The following ASTN2 variants were observed in gnomAD, a reference collection of about 807,000 sequenced individuals.
ASTN2 encodes the protein astrotactin-2.
In ASTN2, 54 loss-of-function variants were observed where a neutral mutation model predicts 139.8. That is an observed-to-expected ratio of 0.39 (90% confidence interval 0.31 to 0.48). ASTN2 has a LOEUF of 0.48. ASTN2 is among the 20% of genes least tolerant of loss of function. The pLI, the probability that ASTN2 is intolerant of heterozygous loss-of-function variation, is 0.95. For missense variants in ASTN2, 1,565 were observed against 1,725.1 expected, an observed-to-expected ratio of 0.91 and a Z score of 1.64; for synonymous variants, 756 against 719.5, an observed-to-expected ratio of 1.05 and a Z score of -0.81.
At chr9:117,280,492 C>T (rs1375352566) in intron 2 of ASTN2, among the ~76,000 whole-genome samples, 10 of 152,042 alleles carry the variant, frequency 6.6e-5, no homozygotes, top group African/African-American at 1.7e-4. Flanking sequence ...TAATGAGAGG[C>T]GCATGGAAGA....
At chr9:116,703,602 G>T in intron 16 of ASTN2, among the ~76,000 whole-genome samples, 1 of 151,770 alleles carries the variant, frequency 6.6e-6, no homozygotes, top group South Asian at 2.1e-4. Flanking sequence ...GGGAGGGGTA[G>T]CATTGGGAGA....
At chr9:116,873,590 C>G (rs1190256524) in intron 10 of ASTN2, among the ~76,000 whole-genome samples, 1 of 152,150 alleles carries the variant, frequency 6.6e-6, no homozygotes, top group Non-Finnish European at 1.5e-5. Flanking sequence ...CATAGATTAT[C>G]TCATTTAATA....
chr9:116,463,543 TTCTC>T (rs772154178), intron 20 of ASTN2, among the ~76,000 whole-genome samples: 5 of 152,218 alleles, frequency 3.3e-5, no homozygotes, highest in African/African-American at 9.6e-5. Context: ...CTGCTGAATG[TTCTC>T]TCTGCCTATA....
At chr9:117,080,420 C>T (rs1828395019) in intron 5 of ASTN2, among the ~76,000 whole-genome samples, 1 of 151,872 alleles carries the variant, frequency 6.6e-6, no homozygotes, top group Non-Finnish European at 1.5e-5. Context: ...GCTACAATGA[C>T]TATGTTTAGG....
intron 3 of ASTN2, among the ~76,000 whole-genome samples, chr9:117,212,909 A>G (rs1832187527): frequency 6.6e-6 from 1 of 152,216 alleles, no homozygotes; most frequent in African/African-American, 2.4e-5. Flanking sequence ...GAACTACCAT[A>G]TATCTAGCAA....
intron 16 of ASTN2, among the ~76,000 whole-genome samples, chr9:116,659,953 T>C (rs893124725): frequency 1.3e-5 from 2 of 152,060 alleles, no homozygotes; most frequent in African/African-American, 4.8e-5. Flanking sequence ...AAGCCCAGAG[T>C]TATGTACTTT....
intron 16 of ASTN2, among the ~76,000 whole-genome samples, chr9:116,687,816 A>C (rs1860349221): frequency 6.6e-6 from 1 of 151,938 alleles, no homozygotes; most frequent in South Asian, 2.1e-4. Context: ...GGCGCTAGGC[A>C]TCTGGCAAGG....
chr9:116,922,577 A>G (rs1220173380), intron 10 of ASTN2, among the ~76,000 whole-genome samples: 1 of 152,250 alleles, frequency 6.6e-6, no homozygotes, highest in Admixed American at 6.5e-5. Flanking sequence ...AACATGTGAT[A>G]ATGTAAAAGT....
At chr9:116,606,384 G>A (rs1588070373) in intron 19 of ASTN2, among the ~76,000 whole-genome samples, 1 of 152,126 alleles carries the variant, frequency 6.6e-6, no homozygotes, top group Non-Finnish European at 1.5e-5. Context: ...GAAACAGATG[G>A]CAGCCATAAA....
intron 16 of ASTN2, among the ~76,000 whole-genome samples, chr9:116,669,759 G>C (rs1859077661): frequency 6.6e-6 from 1 of 150,958 alleles, no homozygotes; most frequent in East Asian, 1.9e-4. Context: ...TAGAGCAGAA[G>C]TTTTTCATTT....
At chr9:117,373,567 G>A (rs371663413) in intron 1 of ASTN2, among the ~76,000 whole-genome samples, 34 of 152,164 alleles carry the variant, frequency 2.2e-4, no homozygotes, top group African/African-American at 8.2e-4. Flanking sequence ...TTTTGAAGGG[G>A]AAATGTGATT....
At chr9:116,862,546 T>C (rs377696147) in intron 11 of ASTN2, among the ~76,000 whole-genome samples, 1 of 152,158 alleles carries the variant, frequency 6.6e-6, no homozygotes, top group African/African-American at 2.4e-5. Context: ...GTTTGCTTCA[T>C]AGACTTCGAA....
chr9:117,013,107 A>G (rs1428063866), intron 6 of ASTN2, among the ~76,000 whole-genome samples: 1 of 151,914 alleles, frequency 6.6e-6, no homozygotes, highest in Non-Finnish European at 1.5e-5. Context: ...CTCTACAATC[A>G]CTGCCATGCT....
chr9:117,403,402 G>A (rs968708854), intron 1 of ASTN2, among the ~76,000 whole-genome samples: 2 of 152,170 alleles, frequency 1.3e-5, no homozygotes, highest in African/African-American at 4.8e-5. Context: ...GAGGACAATA[G>A]GGAATCCAGA....
intron 2 of ASTN2, among the ~76,000 whole-genome samples, chr9:117,243,406 A>G (rs1235796791): frequency 2.0e-5 from 3 of 152,264 alleles, no homozygotes; most frequent in African/African-American, 7.2e-5. Context: ...GGTCTCAAGC[A>G]TAGGTCTTCT....
chr9:116,463,908 G>GTTTTTTTTTT (rs71502069), intron 20 of ASTN2, among the ~76,000 whole-genome samples: 2 of 115,906 alleles, frequency 1.7e-5, no homozygotes, highest in Non-Finnish European at 3.5e-5. Context: ...AGAGTTTTGT[G>GTTTTTTTTTT]TTTTTTTTTT....
chr9:116,603,490 T>C (rs751394754), intron 19 of ASTN2, among the ~76,000 whole-genome samples: 2 of 152,202 alleles, frequency 1.3e-5, no homozygotes, highest in Non-Finnish European at 2.9e-5. Flanking sequence ...GACTGGATTG[T>C]TGGACAGAAA....
chr9:116,964,216 G>GGTGGGGGTGT (rs1554765643), intron 10 of ASTN2, among the ~76,000 whole-genome samples: 2 of 140,708 alleles, frequency 1.4e-5, no homozygotes, highest in African/African-American at 5.5e-5. Context: ...ACTGCCCTGG[G>GGTGGGGGTGT]GTGTGTGTGT....
At chr9:116,737,471 G>GAA (rs1828964468) in intron 13 of ASTN2, among the ~76,000 whole-genome samples, 19 of 74,580 alleles carry the variant, frequency 2.5e-4, no homozygotes, top group Admixed American at 4.7e-4. Context: ...GTGTGAATGT[G>GAA]TGTGTGTGTG....
Sources: allele counts gnomAD v4.1 joint callset (sites outside exome capture counted in the v4.1 genomes callset), GRCh38; gene constraint gnomAD v4.1.1; transcripts MANE v1.5; gene names NCBI Gene and HGNC (gene_info 2026-07-23, HGNC 2026-07-21).